The following PPIG variants were observed in gnomAD, a reference collection of about 807,000 sequenced individuals.
PPIG encodes peptidyl-prolyl cis-trans isomerase G.
Under a neutral mutation model 87.9 loss-of-function variants are expected in PPIG, and 26 were observed. That is an observed-to-expected ratio of 0.30 (90% CI 0.22 to 0.41). PPIG has a LOEUF of 0.41. PPIG is among the 10% of genes least tolerant of loss of function. The pLI, the probability that PPIG is intolerant of heterozygous loss-of-function variation, is 1.00. For synonymous variants in PPIG, 308 were observed against 276.5 expected (o/e 1.11, Z -1.13); for missense variants, 722 against 879.4 (o/e 0.82, Z 2.26).
chr2:169,614,062 A>G (rs1378481326), intron 7 of PPIG, among the ~76,000 whole-genome samples: 3 of 152,256 alleles, frequency 2.0e-5, no homozygotes, highest in African/African-American at 7.2e-5. Context: ...ATTGAAAAGC[A>G]TTATTGTTAA....
At chr2:169,636,351 C>T (rs1420445680) in intron 13 of PPIG, 62 bp from the exon 14 acceptor site, 5 of 1,459,202 alleles carry the variant, frequency 3.4e-6, no homozygotes, top group Non-Finnish European at 4.6e-6. Flanking sequence ...ATCATTTTAG[C>T]TAATAATATC....
chr2:169,605,941 G>T, intron 4 of PPIG, 98 bp from the exon 5 acceptor site: 1 of 762,054 alleles, frequency 1.3e-6, no homozygotes, highest in Middle Eastern at 2.9e-4. Flanking sequence ...ATGATTTTAA[G>T]TCTGCAGGGT....
chr2:169,587,685 T>C (rs1684741335), intron 1 of PPIG, among the ~76,000 whole-genome samples: 1 of 152,220 alleles, frequency 6.6e-6, no homozygotes, highest in Non-Finnish European at 1.5e-5. Flanking sequence ...TGAAATTTAC[T>C]ACAGACAGTA....
intron 1 of PPIG, among the ~76,000 whole-genome samples, chr2:169,589,659 TG>T (rs200052342): frequency 1.6e-4 from 24 of 151,728 alleles, no homozygotes; most frequent in East Asian, 5.8e-4. Flanking sequence ...GGGGTTTTTT[TG>T]GGGGGGGTTG....
At position 169,597,863 on chromosome 2, in the gene PPIG, T is replaced by C. The variant is rs1273256829; in HGVS notation, c.-69-5779T>C. On this transcript the variant is annotated intron_variant, in intron 1 of 13. Coordinates refer to ENST00000260970, the MANE Select transcript of PPIG (RefSeq NM_004792.3). ...CACACTTCTGTACCTTGCTTGTTTG[T>C]TTGTTTGTTTGTTTGTTTGTTTGTT... 1.0e-4 allele frequency among the ~76,000 whole-genome samples: 4 copies of C among 38,468 alleles called. No homozygotes were observed. The South Asian group carries it at 1.8e-3, about 17-fold the overall frequency. The allele number at this position is 38,468 out of a possible 152,430, so 25.2% of individuals were successfully genotyped here. A position where few individuals can be genotyped will look rare whatever the true frequency, so the allele number is the denominator to read the frequency against.
At chr2:169,619,318 C>G (rs12476433) in intron 9 of PPIG, among the ~76,000 whole-genome samples, 8 of 151,824 alleles carry the variant, frequency 5.3e-5, no homozygotes, top group South Asian at 2.1e-4. Flanking sequence ...AATAAGTGCA[C>G]TGTGGTGCTG....
At chr2:169,592,251 A>C (rs1032668920) in intron 1 of PPIG, among the ~76,000 whole-genome samples, 4 of 150,694 alleles carry the variant, frequency 2.7e-5, no homozygotes, top group African/African-American at 9.8e-5. Flanking sequence ...AAAAAAAATG[A>C]AAAATTGACC....
intron 1 of PPIG, among the ~76,000 whole-genome samples, chr2:169,597,330 T>A (rs1256553532): frequency 1.3e-5 from 2 of 152,010 alleles, no homozygotes; most frequent in Non-Finnish European, 2.9e-5. Flanking sequence ...TTTTTGGAGA[T>A]GGTCTGAGGC....
rs1338207733 is a variant in PPIG, at chr2:169,638,661, A to G, written c.*1138A>G. The stretch of plus-strand genomic sequence containing the variant: ...GTTTTATACCATTACTGTTAATGTT[A>G]TTTTAACTTGGCATGTATAACATTG... On this transcript the variant is annotated 3_prime_UTR_variant, in exon 14 of 14. Coordinates refer to ENST00000260970, the MANE Select transcript of PPIG (RefSeq NM_004792.3). 1.3e-5 allele frequency: 2 copies of G among 151,954 alleles called. No individual in the cohort carries two copies. Among genetic ancestry groups the G allele is most frequent in the African/African-American group, 2.4e-5 (1 of 41,406 alleles). 9.4% of individuals were successfully genotyped at this position (151,954 alleles called of 1,614,324 possible). A position where few individuals can be genotyped will look rare whatever the true frequency, so the allele number is the denominator to read the frequency against.
At chr2:169,611,896 A>T (rs542805642) in intron 7 of PPIG, among the ~76,000 whole-genome samples, 87 of 152,230 alleles carry the variant, frequency 5.7e-4, no homozygotes, top group Admixed American at 1.9e-3. Context: ...CTTAAAAAAA[A>T]TTTTTTTGTA....
intron 8 of PPIG, 24 bp from the exon 9 acceptor site, chr2:169,614,561 A>G: frequency 6.3e-7 from 1 of 1,580,142 alleles, no homozygotes; most frequent in Non-Finnish European, 8.6e-7. Context: ...CTTTTATTTA[A>G]TAATTTTTTA....
chr2:169,589,489 G>C (rs898729072), intron 1 of PPIG, among the ~76,000 whole-genome samples: 13 of 152,278 alleles, frequency 8.5e-5, no homozygotes, highest in Non-Finnish European at 2.9e-5. Context: ...TTCCTTGAAA[G>C]TAATATTAAA....
In PPIG at chr2:169,637,627, G is replaced by T. The variant is rs1260968820; in HGVS notation, c.*104G>T. ...TTTTCCTTTTCATTGTTTTTGGATT[G>T]TTTTATGTTTGTCCTTTTTTTTCTT... is the stretch of plus-strand genomic sequence containing the variant. On this transcript the variant is annotated 3_prime_UTR_variant, in exon 14 of 14. Transcript: ENST00000260970. 7 of 1,212,172 alleles carry T rather than the reference G, an allele frequency of 5.8e-6. No homozygotes were observed. Among genetic ancestry groups the T allele is most frequent in the African/African-American group, 1.5e-5 (1 of 64,536 alleles). The allele number at this position is 1,212,172 out of a possible 1,614,324, so 75.1% of individuals were successfully genotyped here.
intron 7 of PPIG, among the ~76,000 whole-genome samples, chr2:169,612,944 A>G (rs1395054184): frequency 1.3e-5 from 2 of 152,158 alleles, no homozygotes; most frequent in Non-Finnish European, 2.9e-5. Flanking sequence ...ACCATTCTAC[A>G]TTCCCGTTAG....
chr2:169,611,903 T>TG lies in PPIG; in HGVS notation c.378-2560dup, dbSNP rs1191931621. Among the ~76,000 whole-genome samples the TG allele has an allele frequency of 2.6e-5, 4 of 152,226 alleles. No individual in the cohort carries two copies. The South Asian group carries it at 8.3e-4, about 31-fold the overall frequency. On this transcript the variant is annotated intron_variant, in intron 7 of 13. Transcript: ENST00000260970. ...GCTTCAGTCTTAAAAAAAATTTTTT[T>TG]GTACTATAACATATAGAAGATTTGC...
At chr2:169,608,185 G>T (rs974366788) in intron 6 of PPIG, among the ~76,000 whole-genome samples, 2 of 152,138 alleles carry the variant, frequency 1.3e-5, no homozygotes, top group Non-Finnish European at 2.9e-5. Flanking sequence ...AATAATATTT[G>T]AATCTTAAAA....
At chr2:169,587,605 C>T (rs1456845766) in intron 1 of PPIG, among the ~76,000 whole-genome samples, 1 of 152,138 alleles carries the variant, frequency 6.6e-6, no homozygotes, top group Non-Finnish European at 1.5e-5. Flanking sequence ...GTGATTTTCC[C>T]TGGTTTAATG....
At position 169,584,443 on chromosome 2, in the gene PPIG, C is replaced by T. The variant is rs772655608; in HGVS notation, c.-117C>T. 6 of 470,904 alleles carry T rather than the reference C, an allele frequency of 1.3e-5. No individual in the cohort carries two copies. Among genetic ancestry groups the T allele is most frequent in the African/African-American group, 2.0e-5 (1 of 50,018 alleles). 29.2% of individuals were successfully genotyped at this position (470,904 alleles called of 1,614,324 possible). A position where few individuals can be genotyped will look rare whatever the true frequency, so the allele number is the denominator to read the frequency against. On this transcript the variant is annotated 5_prime_UTR_variant, in exon 1 of 14. Transcript: ENST00000260970. ...TTTTCTGGCGGCGGTAGATTTGAAG[C>T]GCTTCAAAGGACCGGACCCAGAGAA...
chr2:169,611,829 C>G (rs1303693762), intron 7 of PPIG, among the ~76,000 whole-genome samples: 1 of 152,004 alleles, frequency 6.6e-6, no homozygotes, highest in African/African-American at 2.4e-5. Flanking sequence ...GTAGGTAACC[C>G]TTCTTCTGTG....
Sources: gnomAD v4.1 joint callset for allele counts (sites outside exome capture counted in the v4.1 genomes callset) on GRCh38, gnomAD v4.1.1 for gene constraint, MANE v1.5 for transcripts, NCBI Gene and HGNC (gene_info 2026-07-23, HGNC 2026-07-21) for gene names.